The following DGKI variants were observed in gnomAD, a reference collection of about 807,000 sequenced individuals.
The protein encoded by DGKI is DAG kinase iota.
A neutral mutation model predicts 147.5 loss-of-function variants in DGKI; 55 were observed. That is an observed-to-expected ratio of 0.37 (90% CI 0.30 to 0.47). DGKI has a LOEUF of 0.47. Ranked by LOEUF, DGKI falls within the 20% of genes least tolerant of loss-of-function variation. DGKI has a pLI of 1.00. For missense variants in DGKI, 1,007 were observed against 1,323.8 expected (o/e 0.76, Z 3.71); for synonymous variants, 469 against 477.1 (o/e 0.98, Z 0.22).
chr7:137,762,769 G>A (rs1399186127), intron 1 of DGKI, among the ~76,000 whole-genome samples: 3 of 152,138 alleles, frequency 2.0e-5, no homozygotes, highest in Non-Finnish European at 4.4e-5. Flanking sequence ...AGCATCCGGG[G>A]CTGACCTCCA....
chr7:137,526,801 T>C (rs1420475007), intron 20 of DGKI, among the ~76,000 whole-genome samples: 1 of 152,162 alleles, frequency 6.6e-6, no homozygotes, highest in South Asian at 2.1e-4. Context: ...TATTCCTCCC[T>C]AGTGCCCTCA....
intron 3 of DGKI, among the ~76,000 whole-genome samples, chr7:137,663,931 C>T (rs1366937247): frequency 5.3e-5 from 8 of 152,134 alleles, no homozygotes; most frequent in Non-Finnish European, 1.2e-4. Flanking sequence ...CCTCAATCAG[C>T]CCCGGTCTGG....
chr7:137,558,335 A>C (rs1387515655), intron 19 of DGKI, among the ~76,000 whole-genome samples: 1 of 152,178 alleles, frequency 6.6e-6, no homozygotes, highest in Non-Finnish European at 1.5e-5. Context: ...GCTGGAGTGC[A>C]GTGGCACGAT....
intron 1 of DGKI, among the ~76,000 whole-genome samples, chr7:137,737,959 C>G (rs984389729): frequency 1.3e-5 from 2 of 152,138 alleles, no homozygotes; most frequent in Non-Finnish European, 2.9e-5. Flanking sequence ...GTGCAAAGAA[C>G]TGGGGATAAC....
chr7:137,476,643 G>A (rs1193440406), intron 23 of DGKI, among the ~76,000 whole-genome samples: 3 of 152,146 alleles, frequency 2.0e-5, no homozygotes, highest in Non-Finnish European at 4.4e-5. Context: ...AATCTTCTAT[G>A]CATGTGCAGG....
intron 21 of DGKI, among the ~76,000 whole-genome samples, chr7:137,511,867 G>C (rs1212551414): frequency 1.3e-5 from 2 of 152,174 alleles, no homozygotes; most frequent in East Asian, 1.9e-4. Flanking sequence ...TCCCCTTCCA[G>C]GGCAGAGCCT....
intron 19 of DGKI, among the ~76,000 whole-genome samples, chr7:137,564,122 T>C (rs1818505950): frequency 6.6e-6 from 1 of 152,070 alleles, no homozygotes; most frequent in Non-Finnish European, 1.5e-5. Context: ...ACCAAAGCAA[T>C]TTTACAGAAA....
intron 1 of DGKI, among the ~76,000 whole-genome samples, chr7:137,807,186 C>T (rs3800669): frequency 0.45 from 67,691 of 152,048 alleles, 15,883 homozygotes; most frequent in Middle Eastern, 0.6. Flanking sequence ...TGAAAGAACG[C>T]ATAATGGTTC....
At chr7:137,573,539 G>T (rs1435032394) in intron 17 of DGKI, among the ~76,000 whole-genome samples, 1 of 152,060 alleles carries the variant, frequency 6.6e-6, no homozygotes, top group Non-Finnish European at 1.5e-5. Context: ...CAAGTAGCTG[G>T]GATTACAGGT....
intron 6 of DGKI, among the ~76,000 whole-genome samples, chr7:137,643,183 T>C (rs1025379555): frequency 6.7e-6 from 1 of 148,712 alleles, no homozygotes; most frequent in Non-Finnish European, 1.5e-5. Flanking sequence ...CCCAGCTACT[T>C]GGGAGGCTGA....
rs1822523031 is a variant in DGKI at position 137,663,573 on chromosome 7, G to A, written c.607-7033C>T. On this transcript the variant is annotated intron_variant, in intron 3 of 32. Transcript: ENST00000614521. ...TGGGCTCCTGGGTGTCTATGTACAGGAGTCACTGGGCTCAGGGCTGGTGGT... is the reference window on the plus strand; with the variant it reads ...TGGGCTCCTGGGTGTCTATGTACAGAAGTCACTGGGCTCAGGGCTGGTGGT... Among the ~76,000 whole-genome samples, 4 of 152,192 alleles carry A rather than the reference G, an allele frequency of 2.6e-5. No individual in the cohort carries two copies. In the South Asian group the frequency reaches 8.3e-4, roughly 32 times the overall value.
chr7:137,391,816 G>T (rs1039748433), intron 32 of DGKI, among the ~76,000 whole-genome samples: 2 of 152,060 alleles, frequency 1.3e-5, no homozygotes, highest in Admixed American at 1.3e-4. Context: ...CTAAAAGGAA[G>T]GGATAGTCAT....
At chr7:137,681,974 C>T (rs1231901301) in intron 2 of DGKI, among the ~76,000 whole-genome samples, 2 of 152,252 alleles carry the variant, frequency 1.3e-5, no homozygotes, top group Non-Finnish European at 1.5e-5. Context: ...TTCGAATGAG[C>T]TTCCCTGCTT....
intron 14 of DGKI, among the ~76,000 whole-genome samples, chr7:137,584,868 A>G (rs764824188): frequency 2.0e-5 from 3 of 152,210 alleles, no homozygotes; most frequent in Non-Finnish European, 4.4e-5. Context: ...CAAGTGCCCA[A>G]TGCTTACAAA....
At chr7:137,613,154 C>A (rs1188517441) in intron 8 of DGKI, among the ~76,000 whole-genome samples, 1 of 152,108 alleles carries the variant, frequency 6.6e-6, no homozygotes, top group Non-Finnish European at 1.5e-5. Flanking sequence ...TATAAGATCA[C>A]AAATGACTGG....
intron 19 of DGKI, among the ~76,000 whole-genome samples, chr7:137,563,806 G>C (rs1292087877): frequency 6.6e-6 from 1 of 151,938 alleles, no homozygotes; most frequent in Non-Finnish European, 1.5e-5. Flanking sequence ...CTAAATAAAT[G>C]GAGAAATATA....
chr7:137,518,567 C>T (rs1816858019), intron 21 of DGKI, among the ~76,000 whole-genome samples: 1 of 151,934 alleles, frequency 6.6e-6, no homozygotes, highest in African/African-American at 2.4e-5. Flanking sequence ...ATGTTAATTC[C>T]CTATCCTTAT....
intron 28 of DGKI, among the ~76,000 whole-genome samples, chr7:137,433,244 T>G (rs956839437): frequency 1.3e-5 from 2 of 152,334 alleles, no homozygotes; most frequent in East Asian, 3.9e-4. Flanking sequence ...TTCAAAGCAC[T>G]ACAGCATACA....
At chr7:137,607,973 GAAT>G (rs1563109508) in intron 10 of DGKI, among the ~76,000 whole-genome samples, 1 of 152,168 alleles carries the variant, frequency 6.6e-6, no homozygotes, top group Non-Finnish European at 1.5e-5. Flanking sequence ...ATGAAAGGAA[GAAT>G]AATATTTCAT....
Sources: gnomAD v4.1 joint callset for allele counts (sites outside exome capture counted in the v4.1 genomes callset) on GRCh38, gnomAD v4.1.1 for gene constraint, MANE v1.5 for transcripts, NCBI Gene and HGNC (gene_info 2026-07-23, HGNC 2026-07-21) for gene names.